The following MAML2 variants were observed in gnomAD, a reference collection of about 807,000 sequenced individuals.
MAML2 encodes mastermind-like protein 2.
MAML2 carries 22 observed loss-of-function variants against 96.1 expected under a neutral mutation model. The ratio of observed to expected loss-of-function variants is 0.23; its 90% CI spans 0.16 to 0.33. MAML2 has a LOEUF of 0.33. MAML2 is among the 10% of genes least tolerant of loss of function. The probability of loss-of-function intolerance (pLI) is 1.00; values close to 1 mark genes in which losing one functional copy is unlikely to be tolerated. For missense variants in MAML2, 1,367 were observed against 1,392.4 expected, an observed-to-expected ratio of 0.98 and a Z score of 0.29; for synonymous variants, 561 against 521.3, an observed-to-expected ratio of 1.08 and a Z score of -1.04.
At chr11:95,988,607 T>C (rs930926149) in intron 3 of MAML2, among the ~76,000 whole-genome samples, 3 of 148,492 alleles carry the variant, frequency 2.0e-5, no homozygotes, top group Non-Finnish European at 4.5e-5. Context: ...ATCATTTATA[T>C]ATATATATCC....
intron 1 of MAML2, among the ~76,000 whole-genome samples, chr11:96,125,507 C>T (rs1476311979): frequency 6.6e-6 from 1 of 152,172 alleles, no homozygotes; most frequent in Non-Finnish European, 1.5e-5. Flanking sequence ...TGTACCCAGT[C>T]TCTCCAGGGT....
intron 4 of MAML2, among the ~76,000 whole-genome samples, chr11:95,982,471 T>C (rs1056086269): frequency 2.0e-5 from 3 of 152,162 alleles, no homozygotes; most frequent in Non-Finnish European, 4.4e-5. Context: ...TCTTCCTACC[T>C]GGAATACAGG....
chr11:96,066,389 C>T (rs1029079201), intron 2 of MAML2, among the ~76,000 whole-genome samples: 1 of 152,162 alleles, frequency 6.6e-6, no homozygotes, highest in Non-Finnish European at 1.5e-5. Flanking sequence ...ATCAAGGTCT[C>T]CATCCTCAAA....
At chr11:96,314,545 GGTATA>G (rs1863601481) in intron 1 of MAML2, among the ~76,000 whole-genome samples, 1 of 152,130 alleles carries the variant, frequency 6.6e-6, no homozygotes, top group Admixed American at 6.5e-5. Context: ...GTATCTAAGA[GGTATA>G]ATAAGCATTT....
At chr11:96,284,969 G>T (rs1365974446) in intron 1 of MAML2, among the ~76,000 whole-genome samples, 1 of 152,038 alleles carries the variant, frequency 6.6e-6, no homozygotes, top group Non-Finnish European at 1.5e-5. Flanking sequence ...GCCGTATATG[G>T]CTGGATGGAG....
At chr11:96,005,910 T>G (rs1858171905) in intron 2 of MAML2, among the ~76,000 whole-genome samples, 1 of 151,456 alleles carries the variant, frequency 6.6e-6, no homozygotes, top group African/African-American at 2.5e-5. Flanking sequence ...ACCTACAAAT[T>G]TTGACATACT....
chr11:96,104,087 G>C (rs1280253415), intron 1 of MAML2, among the ~76,000 whole-genome samples: 1 of 152,040 alleles, frequency 6.6e-6, no homozygotes, highest in African/African-American at 2.4e-5. Flanking sequence ...ACATGTTCAT[G>C]TTTGTTTTCC....
intron 3 of MAML2, among the ~76,000 whole-genome samples, chr11:95,987,291 C>G (rs900774384): frequency 3.3e-5 from 5 of 151,958 alleles, no homozygotes; most frequent in African/African-American, 7.3e-5. Flanking sequence ...TCAGAGTAAC[C>G]CTGTCTGAGG....
intron 2 of MAML2, among the ~76,000 whole-genome samples, chr11:96,050,091 A>AACAACC (rs1396804297): frequency 6.6e-6 from 1 of 152,132 alleles, no homozygotes; most frequent in Non-Finnish European, 1.5e-5. Context: ...TTACCCTCAA[A>AACAACC]ACAACCCAGT....
chr11:96,242,474 AAG>A (rs1279805401), intron 1 of MAML2, among the ~76,000 whole-genome samples: 1 of 152,222 alleles, frequency 6.6e-6, no homozygotes, highest in Non-Finnish European at 1.5e-5. Flanking sequence ...CAGATTCAGT[AAG>A]AGAAACAGAG....
rs1858583900 is a variant in MAML2, at chr11:96,029,874, T to C, written c.2140-38151A>G. Among the ~76,000 whole-genome samples, 2 of 152,212 alleles carry C rather than the reference T, an allele frequency of 1.3e-5. 1 individual carries two copies. The highest frequency in any genetic ancestry group is 4.1e-4 in the South Asian group (2 of 4,832). ...AGAGTTTTTTGTTTTTGTTTTTGTATGTTACCAGACCACAAAATATTTCTG... is the reference window on the plus strand; with the variant it reads ...AGAGTTTTTTGTTTTTGTTTTTGTACGTTACCAGACCACAAAATATTTCTG... On this transcript the variant is annotated intron_variant, in intron 2 of 4. Transcript: ENST00000524717.
intron 4 of MAML2, among the ~76,000 whole-genome samples, chr11:95,981,107 ACTCT>A (rs571313959): frequency 1.3e-5 from 2 of 152,046 alleles, no homozygotes; most frequent in Admixed American, 1.3e-4. Flanking sequence ...TGCTAGCAGG[ACTCT>A]CTCTCACTTT....
At chr11:96,095,796 G>A (rs766932786) in intron 1 of MAML2, among the ~76,000 whole-genome samples, 35 of 152,324 alleles carry the variant, frequency 2.3e-4, no homozygotes, top group South Asian at 6.2e-4. Flanking sequence ...TAACCAAGTT[G>A]CCTGAGACTT....
chr11:96,023,267 G>T (rs1431857935), intron 2 of MAML2, among the ~76,000 whole-genome samples: 5 of 152,196 alleles, frequency 3.3e-5, no homozygotes, highest in African/African-American at 1.2e-4. Flanking sequence ...AGGTACAAGG[G>T]GAGAAGCTGC....
chr11:96,255,453 G>A (rs1334992673), intron 1 of MAML2, among the ~76,000 whole-genome samples: 1 of 152,188 alleles, frequency 6.6e-6, no homozygotes, highest in East Asian at 1.9e-4. Flanking sequence ...GTCAAACACT[G>A]TTGAGGAAAT....
At chr11:96,044,682 T>A (rs1168238095) in intron 2 of MAML2, among the ~76,000 whole-genome samples, 1 of 152,224 alleles carries the variant, frequency 6.6e-6, no homozygotes, top group Non-Finnish European at 1.5e-5. Flanking sequence ...TGGGATGATA[T>A]ACAAGCATTA....
chr11:96,299,081 A>ATATATATATATATAT (rs1487119307), intron 1 of MAML2, among the ~76,000 whole-genome samples: 11 of 136,306 alleles, frequency 8.1e-5, no homozygotes, highest in African/African-American at 1.1e-4. Flanking sequence ...ATATATATAT[A>ATATATATATATATAT]AAATTTCACC....
intron 1 of MAML2, among the ~76,000 whole-genome samples, chr11:96,126,066 C>T (rs759939450): frequency 9.2e-5 from 14 of 152,106 alleles, no homozygotes; most frequent in African/African-American, 1.4e-4. Flanking sequence ...CCTTCTGATA[C>T]GGTCGTAATA....
At chr11:96,191,713 A>C (rs1294929485) in intron 1 of MAML2, among the ~76,000 whole-genome samples, 1 of 146,786 alleles carries the variant, frequency 6.8e-6, no homozygotes. Context: ...CGGAGCTTGC[A>C]GTGAGCCGAG....
Sources: gnomAD v4.1 joint callset for allele counts (sites outside exome capture counted in the v4.1 genomes callset) on GRCh38, gnomAD v4.1.1 for gene constraint, MANE v1.5 for transcripts, NCBI Gene and HGNC (gene_info 2026-07-23, HGNC 2026-07-21) for gene names.